MACROD2: variants seen among roughly 807,000 people sequenced by gnomAD.
The protein encoded by MACROD2 is ADP-ribose glycohydrolase MACROD2.
A neutral mutation model predicts 70.4 loss-of-function variants in MACROD2; 36 were observed. The observed-to-expected ratio is 0.51, with a 90% CI of 0.39 to 0.68. The LOEUF is 0.68. Ranked by LOEUF, MACROD2 falls within the 30% of genes least tolerant of loss-of-function variation. MACROD2 has a pLI of 0.00. For missense variants in MACROD2, 496 were observed against 538.4 expected, an observed-to-expected ratio of 0.92 and a Z score of 0.78; for synonymous variants, 172 against 178.8, an observed-to-expected ratio of 0.96 and a Z score of 0.30.
chr20:14,511,955 G>A (rs1312644947), intron 4 of MACROD2, among the ~76,000 whole-genome samples: 2 of 150,678 alleles, frequency 1.3e-5, no homozygotes, highest in African/African-American at 5.0e-5. Flanking sequence ...AGTATTTGAG[G>A]TATAAAATCT....
chr20:14,461,658 C>T (rs559822691), intron 3 of MACROD2, among the ~76,000 whole-genome samples: 12 of 151,210 alleles, frequency 7.9e-5, no homozygotes, highest in Middle Eastern at 3.4e-3. Context: ...CTTTCCCCCA[C>T]CCCCACCCCA....
chr20:15,447,211 A>G (rs2046580590), intron 7 of MACROD2, among the ~76,000 whole-genome samples: 1 of 152,166 alleles, frequency 6.6e-6, no homozygotes, highest in Non-Finnish European at 1.5e-5. Context: ...AAGGTGGTGA[A>G]GGAGACAAGC....
chr20:14,229,392 C>T (rs1010543922), intron 3 of MACROD2, among the ~76,000 whole-genome samples: 2 of 152,030 alleles, frequency 1.3e-5, no homozygotes, highest in African/African-American at 4.8e-5. Context: ...GAAAACAACT[C>T]AAGTAAAAAG....
intron 3 of MACROD2, among the ~76,000 whole-genome samples, chr20:14,454,811 G>A (rs1226230227): frequency 2.0e-5 from 3 of 147,734 alleles, no homozygotes; most frequent in African/African-American, 7.5e-5. Flanking sequence ...GGAGTGCAGT[G>A]GTGAGATCTC....
At chr20:14,375,172 TAAA>T (rs992290510) in intron 3 of MACROD2, among the ~76,000 whole-genome samples, 1 of 152,032 alleles carries the variant, frequency 6.6e-6, no homozygotes, top group African/African-American at 2.4e-5. Flanking sequence ...TTTTTACAAA[TAAA>T]AAATACTCTA....
chr20:15,584,408 A>G (rs192209431), intron 8 of MACROD2, among the ~76,000 whole-genome samples: 2 of 152,354 alleles, frequency 1.3e-5, no homozygotes, highest in African/African-American at 4.8e-5. Context: ...AATAGCTTTT[A>G]GAAATAATTA....
chr20:14,475,045 T>G (rs984303746), intron 3 of MACROD2, among the ~76,000 whole-genome samples: 2 of 152,102 alleles, frequency 1.3e-5, no homozygotes, highest in African/African-American at 4.8e-5. Flanking sequence ...CTTTTTCTCT[T>G]ACTTTCCTTT....
At chr20:15,056,848 T>C in intron 5 of MACROD2, among the ~76,000 whole-genome samples, 1 of 152,290 alleles carries the variant, frequency 6.6e-6, no homozygotes, top group South Asian at 2.1e-4. Context: ...GAACTAATCA[T>C]ATAACTTTCA....
chr20:15,808,878 A>G (rs973298994), intron 8 of MACROD2, among the ~76,000 whole-genome samples: 2 of 152,230 alleles, frequency 1.3e-5, no homozygotes, highest in East Asian at 3.8e-4. Flanking sequence ...TTGAACAAAC[A>G]GTGACTAGCC....
At chr20:15,453,211 T>C (rs2046667528) in intron 7 of MACROD2, among the ~76,000 whole-genome samples, 1 of 117,986 alleles carries the variant, frequency 8.5e-6, no homozygotes, top group African/African-American at 2.6e-5. Flanking sequence ...ATTGCTGTTT[T>C]CCCCTTTCTC....
At chr20:15,430,199 T>C (rs190223810) in intron 6 of MACROD2, among the ~76,000 whole-genome samples, 1 of 151,926 alleles carries the variant, frequency 6.6e-6, no homozygotes, top group African/African-American at 2.4e-5. Context: ...TTGTTACTAT[T>C]GTGAATTTGT....
chr20:15,065,381 C>T (rs1374702487), intron 5 of MACROD2, among the ~76,000 whole-genome samples: 1 of 152,090 alleles, frequency 6.6e-6, no homozygotes, highest in Non-Finnish European at 1.5e-5. Flanking sequence ...GTAGGCAGGG[C>T]GCGGTGGCTC....
chr20:14,863,882 CTA>C (rs959758394), intron 5 of MACROD2, among the ~76,000 whole-genome samples: 1 of 152,106 alleles, frequency 6.6e-6, no homozygotes, highest in Non-Finnish European at 1.5e-5. Flanking sequence ...CTTACAAACT[CTA>C]AACTCACTTC....
intron 3 of MACROD2, among the ~76,000 whole-genome samples, chr20:14,373,061 A>G (rs774972397): frequency 1.3e-5 from 2 of 152,158 alleles, no homozygotes; most frequent in African/African-American, 2.4e-5. Context: ...AAGACTCTCT[A>G]TAGTCTCTAA....
At chr20:15,138,859 T>G (rs193043102) in intron 5 of MACROD2, among the ~76,000 whole-genome samples, 4 of 152,352 alleles carry the variant, frequency 2.6e-5, no homozygotes, top group African/African-American at 9.6e-5. Flanking sequence ...GAACTTCAAT[T>G]ACCTGGAATA....
At chr20:14,054,318 A>T (rs916718806) in intron 2 of MACROD2, among the ~76,000 whole-genome samples, 1 of 151,862 alleles carries the variant, frequency 6.6e-6, no homozygotes, top group Non-Finnish European at 1.5e-5. Context: ...AAGCAGGTGG[A>T]TGGGGGAGCT....
rs553644509 is a variant in MACROD2 at position 15,934,294 on chromosome 20, T to G, written c.838+956T>G. Among the ~76,000 whole-genome samples the G allele has an allele frequency of 4.6e-5, 7 of 152,276 alleles. No individual in the cohort carries two copies. In the East Asian group the frequency reaches 1.3e-3, roughly 29 times the overall value. ...TCACTGTAAACTTCTTACATTAACC[T>G]TGGAGATTTTGCTAGGGATCTGGAA... is the stretch of plus-strand genomic sequence containing the variant. On this transcript the variant is annotated intron_variant, in intron 11 of 17. Transcript: ENST00000684519.
chr20:15,102,176 CAAAT>C (rs1376321572), intron 5 of MACROD2, among the ~76,000 whole-genome samples: 2 of 151,752 alleles, frequency 1.3e-5, no homozygotes, highest in African/African-American at 2.4e-5. Flanking sequence ...TACAGACAGG[CAAAT>C]AAAAAATCCT....
chr20:15,108,535 C>T (rs187576514), intron 5 of MACROD2, among the ~76,000 whole-genome samples: 82 of 152,222 alleles, frequency 5.4e-4, no homozygotes, highest in African/African-American at 1.1e-3. Context: ...ATTTCACTGC[C>T]GATTTCCTTC....
Sources: allele counts gnomAD v4.1 joint callset (sites outside exome capture counted in the v4.1 genomes callset), GRCh38; gene constraint gnomAD v4.1.1; transcripts MANE v1.5; gene names NCBI Gene and HGNC (gene_info 2026-07-23, HGNC 2026-07-21).